CHRDL1: variants seen among roughly 807,000 people sequenced by gnomAD.
CHRDL1 encodes chordin like 1.
Under a neutral mutation model 40.9 loss-of-function variants are expected in CHRDL1, and 19 were observed. That is an observed-to-expected ratio of 0.46 (90% CI 0.32 to 0.68). The LOEUF (loss-of-function observed/expected upper bound fraction) is 0.68, where lower values mean the gene tolerates loss of function less well. Ranked by LOEUF, CHRDL1 falls within the 30% of genes least tolerant of loss-of-function variation. CHRDL1 has a pLI of 0.03. For missense variants in CHRDL1, 329 were observed against 352.1 expected, an observed-to-expected ratio of 0.93 and a Z score of 0.53; for synonymous variants, 136 against 123.4, an observed-to-expected ratio of 1.10 and a Z score of -0.68.
chrX:110,676,672 AT>A (rs2069784234), intron 11 of CHRDL1, among the ~76,000 whole-genome samples: 1 of 111,492 alleles, frequency 9.0e-6, no homozygotes, highest in Non-Finnish European at 1.9e-5. Flanking sequence ...TATATTTAGC[AT>A]TTACAAAATG....
At chrX:110,687,946 G>A (rs2070060529) in intron 9 of CHRDL1, among the ~76,000 whole-genome samples, 2 of 111,848 alleles carry the variant, frequency 1.8e-5, no homozygotes, top group Non-Finnish European at 3.8e-5. Flanking sequence ...AGTGACTTGG[G>A]TTATAGGCCT....
chrX:110,749,133 AAAT>A (rs1380914085), intron 4 of CHRDL1, among the ~76,000 whole-genome samples: 6 of 111,663 alleles, frequency 5.4e-5, no homozygotes, highest in Non-Finnish European at 9.4e-5. Flanking sequence ...TTCTCTATTA[AAAT>A]AATAAAAGAA....
At chrX:110,742,413 G>A (rs755195916) in intron 4 of CHRDL1, among the ~76,000 whole-genome samples, 1 of 112,443 alleles carries the variant, frequency 8.9e-6, no homozygotes, top group Non-Finnish European at 1.9e-5. Context: ...TCCCTGGGCT[G>A]AAACAGCATA....
At chrX:110,747,409 AACAC>A (rs113917102) in intron 4 of CHRDL1, among the ~76,000 whole-genome samples, 11 of 91,234 alleles carry the variant, frequency 1.2e-4, no homozygotes, top group East Asian at 3.4e-4. Context: ...ATCAAAACAA[AACAC>A]ACACACACAC....
intron 6 of CHRDL1, among the ~76,000 whole-genome samples, chrX:110,701,143 C>T (rs997228216): frequency 9.0e-6 from 1 of 111,535 alleles, no homozygotes; most frequent in African/African-American, 3.3e-5. Context: ...ACACACCTTT[C>T]TCTAGGTCTA....
chrX:110,683,331 G>C (rs778726350), intron 9 of CHRDL1, among the ~76,000 whole-genome samples: 57 of 108,901 alleles, frequency 5.2e-4, no homozygotes, highest in Middle Eastern at 4.7e-3. Flanking sequence ...TGCACTTCAA[G>C]GTGCTTTCTG....
intron 4 of CHRDL1, among the ~76,000 whole-genome samples, chrX:110,738,034 GGCCCCAAAGT>G (rs2071292536): frequency 8.9e-6 from 1 of 111,870 alleles, no homozygotes; most frequent in African/African-American, 3.3e-5. Context: ...AGAATTATCT[GGCCCCAAAGT>G]GTTTGCGAAG....
At chrX:110,732,013 A>AAAG (rs1357986871) in intron 4 of CHRDL1, among the ~76,000 whole-genome samples, 2 of 111,096 alleles carry the variant, frequency 1.8e-5, no homozygotes, top group African/African-American at 6.6e-5. Flanking sequence ...AAAAAAAAAA[A>AAAG]TAACCTCCAA....
At chrX:110,762,928 T>C (rs968274075) in intron 2 of CHRDL1, 121 bp from the exon 3 acceptor site, 1 of 489,765 alleles carries the variant, frequency 2.0e-6, no homozygotes, top group African/African-American at 2.4e-5. Flanking sequence ...ATAGCAAGTA[T>C]TTATAGAATT....
chrX:110,714,643 G>A (rs1350436530), intron 6 of CHRDL1, among the ~76,000 whole-genome samples: 2 of 111,376 alleles, frequency 1.8e-5, no homozygotes, highest in Non-Finnish European at 3.8e-5. Flanking sequence ...TCAAAGACAC[G>A]TCTAGCCAAT....
At chrX:110,708,032 CAT>C (rs769625463) in intron 6 of CHRDL1, among the ~76,000 whole-genome samples, 128 of 111,644 alleles carry the variant, frequency 1.1e-3, no homozygotes, top group African/African-American at 4.1e-3. Context: ...GGCCCACAAA[CAT>C]ATGAAAAAGA....
rs997806976 is a variant in CHRDL1 at position 110,745,520 on chromosome X, C to G, written c.301+14141G>C. 4.8e-4 allele frequency among the ~76,000 whole-genome samples: 53 copies of G among 111,517 alleles called. 2 individuals are homozygous for G. The highest frequency in any genetic ancestry group is 1.5e-3 in the African/African-American group (46 of 30,659). On this transcript the variant is annotated intron_variant, in intron 4 of 11. Coordinates refer to ENST00000372042, the MANE Select transcript of CHRDL1 (RefSeq NM_001143981.2). Reference sequence around the variant, plus strand: ...CTCTGCACGTGCCCTCCCCACCTCCCTCTTCTACATCTGGCAAAGTGCCAT... The same window carrying G: ...CTCTGCACGTGCCCTCCCCACCTCCGTCTTCTACATCTGGCAAAGTGCCAT...
chrX:110,743,185 A>G (rs1358805155), intron 4 of CHRDL1, among the ~76,000 whole-genome samples: 3 of 112,994 alleles, frequency 2.7e-5, no homozygotes. Flanking sequence ...AAAAAGTTCT[A>G]TTGGACAGTG....
chrX:110,741,953 C>T (rs755035185), intron 4 of CHRDL1, among the ~76,000 whole-genome samples: 1 of 112,035 alleles, frequency 8.9e-6, no homozygotes, highest in South Asian at 3.7e-4. Flanking sequence ...ACAGGTTTTG[C>T]TTCAATTCAG....
At chrX:110,696,365 A>G (rs182769194) in intron 7 of CHRDL1, among the ~76,000 whole-genome samples, 1 of 111,016 alleles carries the variant, frequency 9.0e-6, no homozygotes, top group Admixed American at 9.6e-5. Context: ...CCTATTGTAG[A>G]CCAGTCAGTC....
At chrX:110,737,345 A>G in intron 4 of CHRDL1, among the ~76,000 whole-genome samples, 1 of 111,891 alleles carries the variant, frequency 8.9e-6, no homozygotes, top group South Asian at 3.8e-4. Flanking sequence ...ATAATCTTGG[A>G]AAGAACAATT....
chrX:110,674,706 C>A lies in CHRDL1; in HGVS notation c.*1525G>T, dbSNP rs1355717313. On this transcript the variant is annotated 3_prime_UTR_variant, in exon 12 of 12. Coordinates refer to ENST00000372042, the MANE Select transcript of CHRDL1 (RefSeq NM_001143981.2). ...CATTTTCCCCTATTGGTATCAAACCCTCTTAGGAAAGAATTCTCTCACCTA... is the reference window on the plus strand; with the variant it reads ...CATTTTCCCCTATTGGTATCAAACCATCTTAGGAAAGAATTCTCTCACCTA... The A allele has an allele frequency of 2.7e-5, 3 of 112,224 alleles. No individual in the cohort carries two copies. The highest frequency in any genetic ancestry group is 1.9e-4 in the Admixed American group (2 of 10,611). 9.2% of individuals were successfully genotyped at this position (112,224 alleles called of 1,213,427 possible). A position where few individuals can be genotyped will look rare whatever the true frequency, so the allele number is the denominator to read the frequency against.
intron 2 of CHRDL1, among the ~76,000 whole-genome samples, chrX:110,768,365 TA>T (rs2089698400): frequency 1.8e-5 from 2 of 112,047 alleles, no homozygotes; most frequent in African/African-American, 6.5e-5. Flanking sequence ...TGGTTAATAT[TA>T]AGTGTCAACT....
intron 9 of CHRDL1, among the ~76,000 whole-genome samples, chrX:110,686,904 AAAAAAT>A (rs2070035159): frequency 1.2e-4 from 13 of 107,256 alleles, no homozygotes; most frequent in Admixed American, 8.9e-4. Context: ...AAAATAAAAA[AAAAAAT>A]AAAAAGAATG....
Sources: gnomAD v4.1 joint callset for allele counts (sites outside exome capture counted in the v4.1 genomes callset) on GRCh38, gnomAD v4.1.1 for gene constraint, MANE v1.5 for transcripts, NCBI Gene and HGNC (gene_info 2026-07-23, HGNC 2026-07-21) for gene names.